CLIP2: variants seen among roughly 807,000 people sequenced by gnomAD.
CLIP2 encodes CAP-Gly domain containing linker protein 2.
In CLIP2, 41 loss-of-function variants were observed where a neutral mutation model predicts 111.7. The ratio of observed to expected loss-of-function variants is 0.37; its 90% CI spans 0.29 to 0.48. The LOEUF is 0.48. CLIP2 is among the 20% of genes least tolerant of loss of function. The pLI is 0.99. For missense variants in CLIP2, 1,160 were observed against 1,422.1 expected (o/e 0.82, Z 2.96); for synonymous variants, 660 against 644.2 (o/e 1.02, Z -0.37).
chr7:74,300,517 G>A (rs1281949077), intron 1 of CLIP2, among the ~76,000 whole-genome samples: 1 of 149,668 alleles, frequency 6.7e-6, no homozygotes, highest in African/African-American at 2.5e-5. Flanking sequence ...GTGCAGTGGT[G>A]CCATCTCGGC....
At chr7:74,332,480 T>TTTTTTA (rs10667279) in intron 2 of CLIP2, among the ~76,000 whole-genome samples, 2 of 145,806 alleles carry the variant, frequency 1.4e-5, no homozygotes, top group East Asian at 2.2e-4. Context: ...TTTTTTTTTT[T>TTTTTTA]AGAGATGGGG....
At chr7:74,307,902 C>T (rs1357503955) in intron 1 of CLIP2, among the ~76,000 whole-genome samples, 4 of 152,088 alleles carry the variant, frequency 2.6e-5, no homozygotes, top group Admixed American at 6.6e-5. Flanking sequence ...GTCCTCTGGG[C>T]GGCTGTAGGT....
At position 74,379,492 on chromosome 7, in the gene CLIP2, G is replaced by A. The variant is rs1192979904; in HGVS notation, c.2422-1314G>A. 5.3e-5 allele frequency among the ~76,000 whole-genome samples: 8 copies of A among 152,304 alleles called. No individual in the cohort carries two copies. The East Asian group carries it at 1.5e-3, about 29-fold the overall frequency. On this transcript the variant is annotated intron_variant, in intron 10 of 16. Transcript: ENST00000223398. ...AAAATTATTTTAGTGGCCAGGTGCT[G>A]TGGCTCACACCTGTAATCCCAGCAC...
intron 1 of CLIP2, among the ~76,000 whole-genome samples, chr7:74,310,553 G>A (rs1316930414): frequency 6.6e-6 from 1 of 151,998 alleles, no homozygotes; most frequent in Non-Finnish European, 1.5e-5. Flanking sequence ...ATGAAAAACA[G>A]CTGCCCTACT....
intron 7 of CLIP2, among the ~76,000 whole-genome samples, chr7:74,363,786 C>T (rs188693378): frequency 8.3e-4 from 126 of 151,928 alleles, no homozygotes; most frequent in African/African-American, 2.8e-3. Flanking sequence ...ATCCCAGCTA[C>T]TCAGGAAGCT....
intron 2 of CLIP2, among the ~76,000 whole-genome samples, chr7:74,323,320 C>T (rs915070707): frequency 2.0e-5 from 3 of 151,984 alleles, no homozygotes; most frequent in Non-Finnish European, 4.4e-5. Flanking sequence ...ATTTGTTGTC[C>T]TCATTGGTCA....
intron 1 of CLIP2, among the ~76,000 whole-genome samples, chr7:74,296,475 A>G (rs1382416392): frequency 1.4e-5 from 2 of 146,756 alleles, no homozygotes; most frequent in Non-Finnish European, 3.0e-5. Context: ...GCCACACCAC[A>G]CTCCAGCCTG....
chr7:74,378,689 A>G (rs1368656087), intron 10 of CLIP2, among the ~76,000 whole-genome samples: 1 of 152,156 alleles, frequency 6.6e-6, no homozygotes, highest in Non-Finnish European at 1.5e-5. Context: ...GCAGTGAGCT[A>G]TGATTGCACC....
At chr7:74,399,233 TG>T (rs1227006152) in intron 14 of CLIP2, among the ~76,000 whole-genome samples, 1 of 148,868 alleles carries the variant, frequency 6.7e-6, no homozygotes, top group Non-Finnish European at 1.5e-5. Context: ...GACAGTTGGG[TG>T]GGGGCAGTGT....
At chr7:74,330,677 C>T (rs1436304114) in intron 2 of CLIP2, among the ~76,000 whole-genome samples, 1 of 152,152 alleles carries the variant, frequency 6.6e-6, no homozygotes, top group Admixed American at 6.6e-5. Flanking sequence ...CCAAGAATCA[C>T]ATCATAAACA....
rs1333535451 is a variant in CLIP2 at position 74,317,419 on chromosome 7, C to T, written c.-67-61C>T. 1.0e-5 allele frequency: 12 copies of T among 1,169,624 alleles called. No individual in the cohort carries two copies. The African/African-American group carries it at 1.4e-4, about 14-fold the overall frequency. The allele number at this position is 1,169,624 out of a possible 1,614,324, so 72.5% of individuals were successfully genotyped here. ...GGAGGGATGTGTGTTGCTTGATGGC[C>T]CTTGAGGGTCTGGGGGCCATTGGGA... On this transcript the variant is annotated intron_variant, in intron 1 of 16. Coordinates refer to ENST00000223398, the MANE Select transcript of CLIP2 (RefSeq NM_003388.5).
intron 1 of CLIP2, among the ~76,000 whole-genome samples, chr7:74,314,821 G>T (rs546798328): frequency 1.3e-5 from 2 of 152,334 alleles, no homozygotes; most frequent in African/African-American, 4.8e-5. Context: ...AGGCCTGGGG[G>T]TGGGGGGCTT....
chr7:74,335,487 C>T (rs2428449), intron 2 of CLIP2, among the ~76,000 whole-genome samples: 112 of 140,402 alleles, frequency 8.0e-4, no homozygotes, highest in Non-Finnish European at 1.3e-3. Context: ...CATAACTGCA[C>T]CTGGCTTATT....
chr7:74,352,936 CA>C (rs1554307832), intron 3 of CLIP2, among the ~76,000 whole-genome samples: 1 of 151,968 alleles, frequency 6.6e-6, no homozygotes, highest in Non-Finnish European at 1.5e-5. Flanking sequence ...TGCTTGAGAC[CA>C]GGAATTTGAG....
rs1789910557 is a variant in CLIP2 at position 74,349,462 on chromosome 7, GT to G, written c.679-4417del. Among the ~76,000 whole-genome samples the G allele has an allele frequency of 5.0e-5, 4 of 80,596 alleles. 1 individual carries two copies. Among genetic ancestry groups the G allele is most frequent in the Non-Finnish European group, 1.0e-4 (4 of 39,918 alleles). 52.9% of individuals were successfully genotyped at this position (80,596 alleles called of 152,430 possible). A position where few individuals can be genotyped will look rare whatever the true frequency, so the allele number is the denominator to read the frequency against. On this transcript the variant is annotated intron_variant, in intron 3 of 16. Coordinates refer to ENST00000223398, the MANE Select transcript of CLIP2 (RefSeq NM_003388.5). The stretch of plus-strand genomic sequence containing the variant: ...AAAAAAAAAAAGTATGTATGTGTGT[GT>G]GTGTGTGTATATATATATATATATA...
At chr7:74,358,567 T>C (rs1001687021) in intron 6 of CLIP2, among the ~76,000 whole-genome samples, 1 of 74,832 alleles carries the variant, frequency 1.3e-5, no homozygotes, top group African/African-American at 3.7e-5. Flanking sequence ...TCCTCATCAT[T>C]CTTTTTTTTT....
At chr7:74,345,635 G>A (rs1789778719) in intron 3 of CLIP2, among the ~76,000 whole-genome samples, 1 of 151,830 alleles carries the variant, frequency 6.6e-6, no homozygotes, top group South Asian at 2.1e-4. Context: ...TCAGGAGTTC[G>A]AGACCAACCT....
chr7:74,400,591 G>A (rs1554317407), intron 15 of CLIP2, 36 bp downstream of exon 15: 1 of 1,501,284 alleles, frequency 6.7e-7, no homozygotes, highest in Admixed American at 2.3e-5. Context: ...CAGGAGGCAA[G>A]CCACGGGGCA....
At chr7:74,320,597 C>T (rs1564036248) in intron 2 of CLIP2, among the ~76,000 whole-genome samples, 1 of 152,046 alleles carries the variant, frequency 6.6e-6, no homozygotes. Context: ...TTGTTCACAT[C>T]CCTTGGGCCA....
Sources: gnomAD v4.1 joint callset for allele counts (sites outside exome capture counted in the v4.1 genomes callset) on GRCh38, gnomAD v4.1.1 for gene constraint, MANE v1.5 for transcripts, NCBI Gene and HGNC (gene_info 2026-07-23, HGNC 2026-07-21) for gene names.